Variants in AP3D1 observed in about 807,000 individuals in gnomAD.
AP3D1 encodes the protein adaptor related protein complex 3 subunit delta 1.
AP3D1 carries 51 observed loss-of-function variants against 147.6 expected under a neutral mutation model. That is an observed-to-expected ratio of 0.35 (90% CI 0.28 to 0.44). The LOEUF is 0.44. Ranked by LOEUF, AP3D1 falls within the 20% of genes least tolerant of loss-of-function variation. The pLI, the probability that AP3D1 is intolerant of heterozygous loss-of-function variation, is 1.00. For synonymous variants in AP3D1, 760 were observed against 663.0 expected, an observed-to-expected ratio of 1.15 and a Z score of -2.25; for missense variants, 1,421 against 1,624.2, an observed-to-expected ratio of 0.87 and a Z score of 2.15.
At position 2,144,905 on chromosome 19, in the gene AP3D1, AAAACAAAC is replaced by A. The variant is rs377521482; in HGVS notation, c.97-6199_97-6192del. On this transcript the variant is annotated intron_variant, in intron 1 of 31. Transcript: ENST00000643116. ...GCGACAGAGGGAGACTATGTCTCCAAAAACAAACAAACAAACAAACAAAACAAAAACGC... is the reference window on the plus strand; with the variant it reads ...GCGACAGAGGGAGACTATGTCTCCAAAAACAAACAAACAAAACAAAAACGC... 9.5e-4 allele frequency among the ~76,000 whole-genome samples: 144 copies of A among 152,250 alleles called. 1 individual carries two copies. Among genetic ancestry groups the A allele is most frequent in the African/African-American group, 3.1e-3 (130 of 41,560 alleles).
At chr19:2,112,119 G>A (rs1251399497) in intron 24 of AP3D1, 7 of 482,010 alleles carry the variant, frequency 1.5e-5, no homozygotes, top group East Asian at 3.7e-5. Flanking sequence ...CACACTTGAC[G>A]CAGCAACCCC....
At chr19:2,105,821 C>G (rs989341323) in intron 31 of AP3D1, among the ~76,000 whole-genome samples, 1 of 152,142 alleles carries the variant, frequency 6.6e-6, no homozygotes, top group Non-Finnish European at 1.5e-5. Context: ...GTCAGCCGGG[C>G]GCGGGGGCTC....
In AP3D1 at chr19:2,137,076, C is replaced by T. The variant is rs140333505; in HGVS notation, c.289G>A (p.Ala97Thr). 2.8e-5 allele frequency: 45 copies of T among 1,590,044 alleles called. No individual in the cohort carries two copies. The highest frequency in any genetic ancestry group is 3.5e-5 in the Non-Finnish European group (41 of 1,168,476). The stretch of plus-strand genomic sequence containing the variant: ...CCTTCGTGAAAGCTCTGGGAAGCAG[C>T]GAGGTAGCCAATTCGCTGGGAGAGA... The part of the protein sequence containing the change: ...KFTFKRIGYL[A>T]ASQSFHEGTD... The change falls in exon 4 of 32, where the codon GCT becomes ACT. Residue 97 changes from alanine (A) to threonine (T), a missense_variant. By Grantham distance (58) the Ala-to-Thr change is moderately conservative (BLOSUM62 0). Coordinates refer to ENST00000643116, the MANE Select transcript of AP3D1 (RefSeq NM_001261826.3).
rs993398175 is a variant in AP3D1, at chr19:2,139,932, C to T, written c.97-1218G>A. ...CCCCAACCTCGGCTGCCAGCTGCAC[C>T]GGGCTGGGGAAGGAGACACAGCTGT... On this transcript the variant is annotated intron_variant, in intron 1 of 31. Coordinates refer to ENST00000643116, the MANE Select transcript of AP3D1 (RefSeq NM_001261826.3). 4.2e-5 allele frequency among the ~76,000 whole-genome samples: 6 copies of T among 142,086 alleles called. No homozygotes were observed. In the East Asian group the frequency reaches 1.2e-3, roughly 29 times the overall value. The allele number at this position is 142,086 out of a possible 152,430, so 93.2% of individuals were successfully genotyped here.
intron 2 of AP3D1, 38 bp from the exon 3 acceptor site, chr19:2,137,845 A>G (rs938929397): frequency 6.2e-6 from 10 of 1,600,938 alleles, no homozygotes; most frequent in Non-Finnish European, 8.6e-6. Context: ...CTCACAAGCC[A>G]AAGCAGAGAG....
chr19:2,118,912 G>A, intron 14 of AP3D1, 80 bp from the exon 15 acceptor site: 2 of 1,343,812 alleles, frequency 1.5e-6, no homozygotes, highest in Non-Finnish European at 2.1e-6. Context: ...TAGGAGGCCT[G>A]GGCTCGTCAC....
At chr19:2,148,951 C>A (rs2019434039) in intron 1 of AP3D1, among the ~76,000 whole-genome samples, 1 of 151,756 alleles carries the variant, frequency 6.6e-6, no homozygotes, top group East Asian at 1.9e-4. Flanking sequence ...GAAGAACCTA[C>A]AACATACGGT....
chr19:2,118,694 G>C lies in AP3D1; in HGVS notation c.1620C>G (p.Ala540=). ...CGGCCTGAGCGCCCTCTGCCTCCCC[G>C]GCCTGCTCCTTCTGCTGCAGGATGG... ...YASILQQKEQ[A]GEAEGAQAVT... is the part of the protein sequence containing the mutation. Residue 540 remains alanine (A), a synonymous_variant, in exon 15 of 32, where the codon GCC becomes GCG. Coordinates refer to ENST00000643116, the MANE Select transcript of AP3D1 (RefSeq NM_001261826.3). The C allele has an allele frequency of 6.2e-7, 1 of 1,613,376 alleles. No homozygotes were observed. Among genetic ancestry groups the C allele is most frequent in the Non-Finnish European group, 8.5e-7 (1 of 1,179,984 alleles).
At chr19:2,133,975 G>A (rs1423637519) in intron 4 of AP3D1, among the ~76,000 whole-genome samples, 1 of 151,970 alleles carries the variant, frequency 6.6e-6, no homozygotes, top group Non-Finnish European at 1.5e-5. Context: ...GGACACGGTG[G>A]TGCACACTTG....
chr19:2,106,281 G>A (rs767745103), intron 31 of AP3D1, among the ~76,000 whole-genome samples: 8 of 151,986 alleles, frequency 5.3e-5, no homozygotes, highest in Non-Finnish European at 1.2e-4. Flanking sequence ...GAACAAATGG[G>A]CTCACTCCTG....
chr19:2,103,473 A>ACCAGAG (rs56360749), intron 31 of AP3D1, among the ~76,000 whole-genome samples: 18,870 of 152,146 alleles, frequency 0.12, 1,271 homozygotes, highest in Non-Finnish European at 0.16. Context: ...GAGTGGGGTA[A>ACCAGAG]CCAGAGCCCC....
rs559987741 is a variant in AP3D1 at position 2,114,139 on chromosome 19, C to T, written c.2587G>A (p.Glu863Lys). Residue 863 changes from glutamate to lysine, a missense_variant, in exon 22 of 32, where the codon GAG becomes AAG. By Grantham distance (56) the Glu-to-Lys change is moderately conservative. Around this residue, in one of 6 missense-constraint regions of AP3D1, gnomAD observed 791 missense variants for 761.4 expected, o/e 1.04. Transcript: ENST00000643116. ...EKERDKEKKKEKEKKAEDLDF... is the reference protein window; with the variant it reads ...EKERDKEKKKKKEKKAEDLDF... The stretch of plus-strand genomic sequence containing the variant: ...ACTAGCCTTACCTTCTTCTCCTTCT[C>T]CTTCTTCTTCTCCTTGTCTCTCTCT... The T allele has an allele frequency of 2.6e-6, 4 of 1,556,546 alleles. No homozygotes were observed. Among genetic ancestry groups the T allele is most frequent in the Middle Eastern group, 1.7e-4 (1 of 5,980 alleles).
chr19:2,128,704 GC>G (rs1344579928), intron 8 of AP3D1, among the ~76,000 whole-genome samples: 12 of 40 alleles, frequency 0.3, no homozygotes, highest in African/African-American at 0.38. Context: ...GAGCCGGCCC[GC>G]CCCCGCCGCT....
At position 2,137,159 on chromosome 19, in the gene AP3D1, C is replaced by A. The variant is rs866112699; in HGVS notation, c.274-68G>T. The stretch of plus-strand genomic sequence containing the variant: ...AGCCTCCAGGAGCTCCAGCTCTGCT[C>A]TGCAGCGACCACACCAGGCAGCGCC... On this transcript the variant is annotated intron_variant, in intron 3 of 31. Coordinates refer to ENST00000643116, the MANE Select transcript of AP3D1 (RefSeq NM_001261826.3). 5.1e-6 allele frequency: 7 copies of A among 1,364,588 alleles called. No individual in the cohort carries two copies. In the Admixed American group the frequency reaches 1.2e-4, roughly 23 times the overall value. 84.5% of individuals were successfully genotyped at this position (1,364,588 alleles called of 1,614,324 possible).
At chr19:2,128,249 T>C (rs982618679) in intron 8 of AP3D1, among the ~76,000 whole-genome samples, 3 of 152,196 alleles carry the variant, frequency 2.0e-5, no homozygotes, top group African/African-American at 2.4e-5. Context: ...TAGGATCCCA[T>C]TCCACAACCT....
rs1040275929 is a variant in AP3D1, at chr19:2,106,071, C to T, written c.3552+2616G>A. Among the ~76,000 whole-genome samples, 6 of 151,922 alleles carry T rather than the reference C, an allele frequency of 3.9e-5. No individual in the cohort carries two copies. In the South Asian group the frequency reaches 6.2e-4, roughly 16 times the overall value. ...TCGCACCACTGCACTCCAGCCTGGG[C>T]GACAGAGCGAGACTCCATCTCAAAA... On this transcript the variant is annotated intron_variant, in intron 31 of 31. Transcript: ENST00000643116.
Position 2,101,867 on chromosome 19 carries a change from C to T in AP3D1, c.*306G>A. 2.7e-6 allele frequency: 1 copy of T among 364,276 alleles called. No individual in the cohort carries two copies. The highest frequency in any genetic ancestry group is 2.9e-5 in the South Asian group (1 of 34,762). The allele number at this position is 364,276 out of a possible 1,614,324, so 22.6% of individuals were successfully genotyped here. On this transcript the variant is annotated 3_prime_UTR_variant, in exon 32 of 32. Coordinates refer to ENST00000643116, the MANE Select transcript of AP3D1 (RefSeq NM_001261826.3). ...TGGCCCAGGACAGGAGCCCCTGAAG[C>T]CACATTCAAGGACTCGGCCCCCAGC...
intron 1 of AP3D1, among the ~76,000 whole-genome samples, chr19:2,139,056 T>C (rs1391110978): frequency 2.4e-5 from 2 of 82,858 alleles, no homozygotes; most frequent in Non-Finnish European, 4.6e-5. Context: ...CCAGACTCCG[T>C]CTCAAAAAAA....
Position 2,112,864 on chromosome 19 carries a change from T to C in AP3D1, c.2783A>G (p.Asp928Gly), listed in dbSNP as rs1326275586. ...EEDDAEGQDQDKKSPKPKKKK... is the reference protein window; with the variant it reads ...EEDDAEGQDQGKKSPKPKKKK... ...CTGGGGGAGTGACAGCCTCACCTTG[T>C]CCTGGTCTTGCCCCTCGGCATCGTC... is the stretch of plus-strand genomic sequence containing the variant. Residue 928 changes from aspartate to glycine, a missense_variant, in exon 24 of 32, where the codon GAC (aspartate) becomes GGC (glycine). Asp to Gly is a moderately conservative substitution (Grantham distance 94). This residue lies in a region of AP3D1 where 791 missense variants were observed against 761.4 expected (regional missense o/e 1.04). Transcript: ENST00000643116. 4 of 1,610,728 alleles carry C rather than the reference T, an allele frequency of 2.5e-6. No individual in the cohort carries two copies. The highest frequency in any genetic ancestry group is 3.4e-6 in the Non-Finnish European group (4 of 1,178,348).
Sources: allele counts gnomAD v4.1 joint callset (sites outside exome capture counted in the v4.1 genomes callset), GRCh38; gene constraint gnomAD v4.1.1; regional missense constraint gnomAD v4.1.1; transcripts MANE v1.5; gene names NCBI Gene and HGNC (gene_info 2026-07-23, HGNC 2026-07-21).